Variants in SPON1 observed in about 807,000 individuals in gnomAD.
SPON1 encodes the protein spondin-1.
SPON1 carries 52 observed loss-of-function variants against 111.7 expected under a neutral mutation model. The observed-to-expected ratio is 0.47, with a 90% CI of 0.37 to 0.59. The LOEUF (loss-of-function observed/expected upper bound fraction) is 0.59, where lower values mean the gene tolerates loss of function less well. Among genes scored for constraint, SPON1 ranks in the 20% least tolerant of loss-of-function variants. The pLI, the probability that SPON1 is intolerant of heterozygous loss-of-function variation, is 0.00. For synonymous variants in SPON1, 410 were observed against 395.8 expected (o/e 1.04, Z -0.43); for missense variants, 957 against 1,068.5 (o/e 0.90, Z 1.46).
intron 5 of SPON1, among the ~76,000 whole-genome samples, chr11:14,112,000 T>C (rs942402034): frequency 6.6e-6 from 1 of 151,544 alleles, no homozygotes; most frequent in Non-Finnish European, 1.5e-5. Flanking sequence ...CATACCACCT[T>C]TTGTGCCAGA....
intron 5 of SPON1, among the ~76,000 whole-genome samples, chr11:14,097,897 C>T (rs943711266): frequency 6.6e-6 from 1 of 152,104 alleles, no homozygotes; most frequent in Non-Finnish European, 1.5e-5. Flanking sequence ...CACTTGTTCA[C>T]TGACAAGGTA....
At chr11:14,013,261 CT>C (rs1365373752) in intron 2 of SPON1, among the ~76,000 whole-genome samples, 4 of 152,150 alleles carry the variant, frequency 2.6e-5, no homozygotes, top group Non-Finnish European at 5.9e-5. Flanking sequence ...TTTAAACTCT[CT>C]CTGCTCGGCC....
chr11:14,087,417 A>T (rs1554922769), intron 5 of SPON1, among the ~76,000 whole-genome samples: 1 of 152,212 alleles, frequency 6.6e-6, no homozygotes, highest in Non-Finnish European at 1.5e-5. Flanking sequence ...ATAGTCATCC[A>T]GGAGCAGGTT....
At chr11:14,214,700 A>C (rs2133903518) in intron 6 of SPON1, among the ~76,000 whole-genome samples, 1 of 152,178 alleles carries the variant, frequency 6.6e-6, no homozygotes, top group Non-Finnish European at 1.5e-5. Context: ...ATTTCAAGAG[A>C]GCCTCGGAGA....
intron 2 of SPON1, among the ~76,000 whole-genome samples, chr11:13,991,204 G>A (rs952377312): frequency 6.6e-6 from 1 of 152,112 alleles, no homozygotes; most frequent in Non-Finnish European, 1.5e-5. Context: ...TCACTTTCAG[G>A]TACACCCATC....
intron 6 of SPON1, among the ~76,000 whole-genome samples, chr11:14,223,920 G>A (rs1201786714): frequency 2.0e-5 from 3 of 152,150 alleles, no homozygotes; most frequent in Admixed American, 6.5e-5. Context: ...TACTGATGAC[G>A]GGCTCTTTTA....
At chr11:14,147,194 T>G (rs555372705) in intron 6 of SPON1, among the ~76,000 whole-genome samples, 1 of 151,852 alleles carries the variant, frequency 6.6e-6, no homozygotes, top group East Asian at 1.9e-4. Context: ...CATGCCTGGC[T>G]AATTTTTGTA....
chr11:14,263,236 A>C (rs935558100), intron 15 of SPON1, among the ~76,000 whole-genome samples: 1 of 152,196 alleles, frequency 6.6e-6, no homozygotes, highest in Non-Finnish European at 1.5e-5. Context: ...TGCCAAAAAT[A>C]AATTTTCAAG....
At chr11:14,145,687 AAT>A (rs782075262) in intron 6 of SPON1, among the ~76,000 whole-genome samples, 6 of 152,218 alleles carry the variant, frequency 3.9e-5, no homozygotes, top group Non-Finnish European at 5.9e-5. Context: ...TATATCTAGG[AAT>A]ATGTCTTTCT....
chr11:14,046,251 G>C (rs1053627560), intron 3 of SPON1, among the ~76,000 whole-genome samples: 3 of 152,116 alleles, frequency 2.0e-5, no homozygotes, highest in African/African-American at 7.2e-5. Context: ...CTAGCCTCAG[G>C]TACCCCAACC....
intron 6 of SPON1, among the ~76,000 whole-genome samples, chr11:14,211,125 G>C (rs10766173): frequency 6.6e-6 from 1 of 151,772 alleles, no homozygotes; most frequent in East Asian, 1.9e-4. Flanking sequence ...AGAAGTTCTG[G>C]CCAGGGCAAT....
At chr11:14,207,240 A>T (rs1262821195) in intron 6 of SPON1, among the ~76,000 whole-genome samples, 2 of 152,342 alleles carry the variant, frequency 1.3e-5, no homozygotes, top group South Asian at 4.1e-4. Flanking sequence ...TTAACTCAAG[A>T]TGGATAAAAG....
intron 1 of SPON1, among the ~76,000 whole-genome samples, chr11:13,981,246 C>G (rs1210134176): frequency 6.6e-6 from 1 of 152,164 alleles, no homozygotes; most frequent in Non-Finnish European, 1.5e-5. Context: ...AGATTTCCAT[C>G]TCAGGAGACT....
chr11:14,110,179 A>C (rs1161404298), intron 5 of SPON1, among the ~76,000 whole-genome samples: 1 of 152,182 alleles, frequency 6.6e-6, no homozygotes, highest in Admixed American at 6.5e-5. Flanking sequence ...GGAGAGAATA[A>C]GAGGAAATTC....
intron 2 of SPON1, among the ~76,000 whole-genome samples, chr11:14,040,338 T>C (rs1283519545): frequency 1.3e-5 from 2 of 152,158 alleles, no homozygotes; most frequent in South Asian, 2.1e-4. Flanking sequence ...CATTTACATG[T>C]AGTAACAATG....
At chr11:14,241,176 G>C (rs1191353558) in intron 6 of SPON1, among the ~76,000 whole-genome samples, 1 of 152,116 alleles carries the variant, frequency 6.6e-6, no homozygotes, top group Admixed American at 6.5e-5. Flanking sequence ...CAGAAGGCAG[G>C]GTTGCTGTTG....
At chr11:14,126,515 C>A (rs1000099494) in intron 5 of SPON1, among the ~76,000 whole-genome samples, 1 of 152,206 alleles carries the variant, frequency 6.6e-6, no homozygotes, top group African/African-American at 2.4e-5. Flanking sequence ...CTCAAACTTA[C>A]ATGTCTAATT....
chr11:14,060,819 C>G (rs1322241519), intron 3 of SPON1, among the ~76,000 whole-genome samples: 2 of 152,144 alleles, frequency 1.3e-5, no homozygotes, highest in African/African-American at 2.4e-5. Context: ...GCATGTGGGC[C>G]AACACTGATC....
intron 5 of SPON1, among the ~76,000 whole-genome samples, chr11:14,131,506 C>A (rs1847529779): frequency 1.3e-5 from 2 of 152,220 alleles, no homozygotes; most frequent in South Asian, 2.1e-4. Flanking sequence ...TCTCTAGGCA[C>A]CCTCCTTCCA....
Sources: allele counts gnomAD v4.1 joint callset (sites outside exome capture counted in the v4.1 genomes callset), GRCh38; gene constraint gnomAD v4.1.1; transcripts MANE v1.5; gene names NCBI Gene and HGNC (gene_info 2026-07-23, HGNC 2026-07-21).